Variants in STX8 observed in about 807,000 individuals in gnomAD.
STX8 encodes the protein syntaxin-8.
In STX8, 23 loss-of-function variants were observed where a neutral mutation model predicts 37.5. That is an observed-to-expected ratio of 0.61 (90% CI 0.44 to 0.87). The LOEUF is 0.87. STX8 is among the 40% of genes least tolerant of loss of function. The pLI is 0.00. For missense variants in STX8, 313 were observed against 284.7 expected (o/e 1.10, Z -0.71); for synonymous variants, 115 against 99.1 (o/e 1.16, Z -0.95).
intron 7 of STX8, among the ~76,000 whole-genome samples, chr17:9,285,655 T>G (rs1908047780): frequency 6.6e-6 from 1 of 152,192 alleles, no homozygotes; most frequent in African/African-American, 2.4e-5. Flanking sequence ...CAAACAGTGA[T>G]CACCCTGGTT....
intron 6 of STX8, among the ~76,000 whole-genome samples, chr17:9,414,673 A>T (rs1264194547): frequency 6.6e-6 from 1 of 151,730 alleles, no homozygotes; most frequent in Non-Finnish European, 1.5e-5. Context: ...AACCACAAGA[A>T]CCAGTCAGGC....
intron 6 of STX8, among the ~76,000 whole-genome samples, chr17:9,464,282 T>C (rs973526463): frequency 6.6e-6 from 1 of 152,102 alleles, no homozygotes; most frequent in Admixed American, 6.6e-5. Context: ...GTGAGGGATG[T>C]AAATTATGAT....
At chr17:9,351,578 A>G (rs1449983015) in intron 7 of STX8, among the ~76,000 whole-genome samples, 2 of 152,200 alleles carry the variant, frequency 1.3e-5, no homozygotes, top group Admixed American at 1.3e-4. Flanking sequence ...TGCACAGTCC[A>G]TATTCAAATG....
chr17:9,550,698 G>A (rs79968545), intron 3 of STX8, among the ~76,000 whole-genome samples: 2 of 152,202 alleles, frequency 1.3e-5, no homozygotes, highest in African/African-American at 4.8e-5. Context: ...ACCACAGATG[G>A]AGCGGGGTAA....
intron 7 of STX8, among the ~76,000 whole-genome samples, chr17:9,303,967 C>A (rs1351859885): frequency 2.7e-5 from 4 of 150,712 alleles, no homozygotes; most frequent in Non-Finnish European, 5.9e-5. Flanking sequence ...AGAAACTTTT[C>A]ATGACAAAAA....
intron 6 of STX8, among the ~76,000 whole-genome samples, chr17:9,425,881 G>T (rs1362892102): frequency 6.6e-6 from 1 of 152,108 alleles, no homozygotes; most frequent in Non-Finnish European, 1.5e-5. Flanking sequence ...TAAAGGCTTG[G>T]ACGTCTACAG....
intron 2 of STX8, among the ~76,000 whole-genome samples, chr17:9,559,789 G>A (rs1288507915): frequency 1.7e-5 from 1 of 60,442 alleles, no homozygotes; most frequent in Non-Finnish European, 2.8e-5. Context: ...TTGAGACAGA[G>A]TCTTGCTCTG....
chr17:9,443,909 C>T (rs936087231), intron 6 of STX8, among the ~76,000 whole-genome samples: 1 of 152,184 alleles, frequency 6.6e-6, no homozygotes, highest in African/African-American at 2.4e-5. Context: ...TACACCCTTC[C>T]TTTTTGGCCC....
In STX8 at chr17:9,327,256, AAGG is replaced by A. The variant is rs1370704142; in HGVS notation, c.643+51293_643+51295del. On this transcript the variant is annotated intron_variant, in intron 7 of 7. Transcript: ENST00000306357. ...GAAGGAGGACAGAGGAGGAAGGAGG[AAGG>A]AGGAGGAGGAAGGAGGAAGAAGGAA... Among the ~76,000 whole-genome samples the A allele has an allele frequency of 5.6e-4, 84 of 148,842 alleles. 1 individual carries two copies. The highest frequency in any genetic ancestry group is 1.9e-3 in the African/African-American group (76 of 39,496).
chr17:9,457,840 T>A (rs779548185), intron 6 of STX8, among the ~76,000 whole-genome samples: 1 of 152,244 alleles, frequency 6.6e-6, no homozygotes, highest in African/African-American at 2.4e-5. Context: ...TTTTCCTTCA[T>A]GTTTAATTGG....
At chr17:9,313,305 A>G (rs1909260395) in intron 7 of STX8, among the ~76,000 whole-genome samples, 1 of 152,214 alleles carries the variant, frequency 6.6e-6, no homozygotes, top group Non-Finnish European at 1.5e-5. Flanking sequence ...GTTTTCGTTG[A>G]AGATGTCGAC....
intron 4 of STX8, among the ~76,000 whole-genome samples, chr17:9,517,811 A>AG (rs1905198925): frequency 1.6e-5 from 2 of 128,678 alleles, no homozygotes; most frequent in African/African-American, 5.7e-5. Flanking sequence ...AAAAAAAAAA[A>AG]GGCAAAGAGA....
intron 2 of STX8, among the ~76,000 whole-genome samples, chr17:9,564,061 C>T (rs1340128315): frequency 6.6e-6 from 1 of 152,164 alleles, no homozygotes; most frequent in Admixed American, 6.5e-5. Context: ...TAAAAACACT[C>T]AATAAACTAG....
intron 7 of STX8, among the ~76,000 whole-genome samples, chr17:9,360,866 T>G (rs1320833705): frequency 6.6e-6 from 1 of 152,002 alleles, no homozygotes; most frequent in African/African-American, 2.4e-5. Flanking sequence ...CACCCAGCGC[T>G]CAGCAGTCAG....
At chr17:9,468,601 A>G (rs545309939) in intron 6 of STX8, among the ~76,000 whole-genome samples, 40 of 152,294 alleles carry the variant, frequency 2.6e-4, no homozygotes, top group African/African-American at 9.6e-4. Flanking sequence ...AGGCACAGAG[A>G]CGCACCACAC....
intron 6 of STX8, among the ~76,000 whole-genome samples, chr17:9,424,882 G>A (rs1328857106): frequency 6.6e-6 from 1 of 152,148 alleles, no homozygotes; most frequent in African/African-American, 2.4e-5. Flanking sequence ...TTGAAATTTA[G>A]TAGAGAAAAA....
intron 6 of STX8, among the ~76,000 whole-genome samples, chr17:9,471,947 C>T (rs1905883189): frequency 2.0e-5 from 3 of 152,138 alleles, no homozygotes; most frequent in African/African-American, 7.2e-5. Flanking sequence ...CATAAAGTCA[C>T]CATGAACACT....
chr17:9,482,193 T>TA, intron 6 of STX8, among the ~76,000 whole-genome samples: 1 of 152,222 alleles, frequency 6.6e-6, no homozygotes, highest in African/African-American at 2.4e-5. Context: ...TATTTTTTTT[T>TA]AATCGTCTTA....
At chr17:9,536,324 G>A (rs886658700) in intron 4 of STX8, among the ~76,000 whole-genome samples, 1 of 152,168 alleles carries the variant, frequency 6.6e-6, no homozygotes, top group Non-Finnish European at 1.5e-5. Flanking sequence ...GGGAGATGAA[G>A]GGAAATGAAG....
Sources: allele counts gnomAD v4.1 joint callset (sites outside exome capture counted in the v4.1 genomes callset), GRCh38; gene constraint gnomAD v4.1.1; transcripts MANE v1.5; gene names NCBI Gene and HGNC (gene_info 2026-07-23, HGNC 2026-07-21).